The following ERC2 variants were observed in gnomAD, a reference collection of about 807,000 sequenced individuals.
The protein encoded by ERC2 is ERC protein 2.
Under a neutral mutation model 114.8 loss-of-function variants are expected in ERC2, and 42 were observed. The ratio of observed to expected loss-of-function variants is 0.37; its 90% CI spans 0.29 to 0.47. The LOEUF is 0.47. Among genes scored for constraint, ERC2 ranks in the 20% least tolerant of loss-of-function variants. The probability of loss-of-function intolerance (pLI) is 0.99; values close to 1 mark genes in which losing one functional copy is unlikely to be tolerated. For missense variants in ERC2, 939 were observed against 1,150.7 expected (o/e 0.82, Z 2.66); for synonymous variants, 454 against 425.5 (o/e 1.07, Z -0.82).
At chr3:55,588,153 T>C (rs1321399289) in intron 17 of ERC2, among the ~76,000 whole-genome samples, 1 of 152,118 alleles carries the variant, frequency 6.6e-6, no homozygotes, top group East Asian at 1.9e-4. Flanking sequence ...ATCAGGGTCG[T>C]TTCCTGGTTG....
At chr3:55,807,704 G>C (rs551286034) in intron 14 of ERC2, among the ~76,000 whole-genome samples, 49 of 152,308 alleles carry the variant, frequency 3.2e-4, no homozygotes, top group African/African-American at 1.2e-3. Context: ...ATTTATGATG[G>C]ATAACGTGGT....
At chr3:56,141,234 A>G (rs1422614399) in intron 5 of ERC2, among the ~76,000 whole-genome samples, 4 of 152,250 alleles carry the variant, frequency 2.6e-5, no homozygotes, top group African/African-American at 9.6e-5. Context: ...ACTTGTACAC[A>G]AATGTCGCTC....
intron 2 of ERC2, among the ~76,000 whole-genome samples, chr3:56,391,709 G>A (rs2060134080): frequency 6.6e-6 from 1 of 152,088 alleles, no homozygotes; most frequent in South Asian, 2.1e-4. Context: ...ATTCAAAGAT[G>A]GGAGAGTATA....
At chr3:55,688,468 C>T (rs944038376) in intron 16 of ERC2, among the ~76,000 whole-genome samples, 6 of 152,124 alleles carry the variant, frequency 3.9e-5, no homozygotes, top group African/African-American at 1.4e-4. Flanking sequence ...TCTGACTCCA[C>T]CATATGAGCC....
intron 7 of ERC2, among the ~76,000 whole-genome samples, chr3:56,019,249 CT>C (rs1327105839): frequency 6.6e-6 from 1 of 152,158 alleles, no homozygotes; most frequent in African/African-American, 2.4e-5. Flanking sequence ...AGCAGAGTAT[CT>C]CCCTCCATAC....
At chr3:55,942,665 C>A (rs1402895465) in intron 13 of ERC2, among the ~76,000 whole-genome samples, 1 of 151,962 alleles carries the variant, frequency 6.6e-6, no homozygotes, top group African/African-American at 2.4e-5. Flanking sequence ...TTCCAGGCAA[C>A]ATAAATAAGA....
chr3:56,117,927 A>G (rs924706182), intron 6 of ERC2, among the ~76,000 whole-genome samples: 9 of 152,210 alleles, frequency 5.9e-5, no homozygotes, highest in African/African-American at 2.2e-4. Context: ...CAGATTTTAG[A>G]CAGTGAATTG....
intron 17 of ERC2, among the ~76,000 whole-genome samples, chr3:55,652,829 C>CA (rs1280454579): frequency 6.9e-6 from 1 of 145,412 alleles, no homozygotes; most frequent in Non-Finnish European, 1.5e-5. Flanking sequence ...CATTGCCCTC[C>CA]AGCCCGGGCG....
chr3:55,819,076 T>C (rs2060014109), intron 14 of ERC2, among the ~76,000 whole-genome samples: 7 of 152,222 alleles, frequency 4.6e-5, no homozygotes, highest in Admixed American at 2.0e-4. Flanking sequence ...CTGCTGGGCA[T>C]TTTCGGCTAT....
intron 6 of ERC2, among the ~76,000 whole-genome samples, chr3:56,126,215 T>C (rs1192803400): frequency 2.6e-5 from 4 of 152,246 alleles, no homozygotes; most frequent in Non-Finnish European, 5.9e-5. Context: ...TTGCCAAGTT[T>C]CATTTTTTAA....
At chr3:56,460,853 G>A (rs2063279617) in intron 1 of ERC2, among the ~76,000 whole-genome samples, 1 of 151,832 alleles carries the variant, frequency 6.6e-6, no homozygotes, top group Non-Finnish European at 1.5e-5. Flanking sequence ...TAGCGTGGTG[G>A]CTCACGCCTG....
chr3:56,178,275 C>T (rs2083089327), intron 3 of ERC2, among the ~76,000 whole-genome samples: 1 of 152,098 alleles, frequency 6.6e-6, no homozygotes, highest in Non-Finnish European at 1.5e-5. Flanking sequence ...ACTTTCATTC[C>T]AAAGGTAATT....
At chr3:56,103,351 G>A (rs754528019) in intron 6 of ERC2, among the ~76,000 whole-genome samples, 10 of 152,116 alleles carry the variant, frequency 6.6e-5, no homozygotes, top group Non-Finnish European at 1.2e-4. Context: ...GCAATAGGAA[G>A]TGGCATGATC....
intron 16 of ERC2, among the ~76,000 whole-genome samples, chr3:55,688,517 A>C (rs1451833023): frequency 6.6e-6 from 1 of 152,160 alleles, no homozygotes; most frequent in Admixed American, 6.5e-5. Context: ...TGACCCCAGA[A>C]GACATTTGTT....
chr3:55,875,724 A>ACACACTCT (rs1491351730), intron 14 of ERC2, among the ~76,000 whole-genome samples: 2 of 141,024 alleles, frequency 1.4e-5, no homozygotes, highest in African/African-American at 5.5e-5. Context: ...ACACACACAC[A>ACACACTCT]CTCTCTCTCT....
At chr3:55,670,866 C>T (rs765198127) in intron 17 of ERC2, among the ~76,000 whole-genome samples, 1 of 152,066 alleles carries the variant, frequency 6.6e-6, no homozygotes, top group Non-Finnish European at 1.5e-5. Flanking sequence ...TTTTGTGACA[C>T]ATGGAAATGA....
intron 17 of ERC2, among the ~76,000 whole-genome samples, chr3:55,673,959 C>A (rs1300377905): frequency 6.6e-6 from 1 of 151,924 alleles, no homozygotes; most frequent in Non-Finnish European, 1.5e-5. Context: ...TGACTCAGGG[C>A]AATCAGAGGC....
At chr3:56,239,405 C>A (rs2051175618) in intron 3 of ERC2, among the ~76,000 whole-genome samples, 1 of 152,156 alleles carries the variant, frequency 6.6e-6, no homozygotes, top group African/African-American at 2.4e-5. Context: ...ACTCTGGAGG[C>A]TAAGGCAGGA....
intron 1 of ERC2, among the ~76,000 whole-genome samples, chr3:56,438,933 A>G (rs1456707190): frequency 1.3e-5 from 2 of 152,214 alleles, no homozygotes; most frequent in Non-Finnish European, 2.9e-5. Context: ...GAAAAGATGT[A>G]TTATCATGTT....
Sources: gnomAD v4.1 joint callset for allele counts (sites outside exome capture counted in the v4.1 genomes callset) on GRCh38, gnomAD v4.1.1 for gene constraint, MANE v1.5 for transcripts, NCBI Gene and HGNC (gene_info 2026-07-23, HGNC 2026-07-21) for gene names.